The following SORCS3 variants were observed in gnomAD, a reference collection of about 807,000 sequenced individuals.
SORCS3 encodes the protein sortilin related VPS10 domain containing receptor 3, also known as VPS10 domain-containing receptor SorCS3.
A neutral mutation model predicts 146.3 loss-of-function variants in SORCS3; 57 were observed. That is an observed-to-expected ratio of 0.39 (90% CI 0.31 to 0.49). SORCS3 has a LOEUF of 0.49. Ranked by LOEUF, SORCS3 falls within the 20% of genes least tolerant of loss-of-function variation. The pLI, the probability that SORCS3 is intolerant of heterozygous loss-of-function variation, is 0.92. For synonymous variants in SORCS3, 653 were observed against 618.5 expected (o/e 1.06, Z -0.83); for missense variants, 1,341 against 1,575.5 (o/e 0.85, Z 2.52).
At chr10:104,883,983 G>GC (rs1554856934) in intron 2 of SORCS3, among the ~76,000 whole-genome samples, 1 of 151,378 alleles carries the variant, frequency 6.6e-6, no homozygotes, top group African/African-American at 2.4e-5. Context: ...AATGAGGGGG[G>GC]GGAAAGGGTC....
chr10:104,923,448 G>C (rs58736483), intron 3 of SORCS3, among the ~76,000 whole-genome samples: 1,791 of 152,288 alleles, frequency 0.012, 35 homozygotes, highest in African/African-American at 0.04. Flanking sequence ...TGGTCAAAAG[G>C]TGGGTCCCTG....
At chr10:105,199,814 G>C (rs887937957) in intron 14 of SORCS3, among the ~76,000 whole-genome samples, 185 bp from the exon 15 acceptor site, 1 of 152,146 alleles carries the variant, frequency 6.6e-6, no homozygotes, top group East Asian at 1.9e-4. Flanking sequence ...TGAATGACAT[G>C]CCAGTTGATT....
At chr10:104,741,700 G>GTTTTTTTTTTTTTTT in intron 1 of SORCS3, among the ~76,000 whole-genome samples, 6 of 3,266 alleles carry the variant, frequency 1.8e-3, no homozygotes, top group Non-Finnish European at 2.2e-3. Context: ...TCCATTCTGG[G>GTTTTTTTTTTTTTTT]TTTTTTTTTT....
chr10:104,825,435 G>T (rs1043181944), intron 1 of SORCS3, among the ~76,000 whole-genome samples: 1 of 152,168 alleles, frequency 6.6e-6, no homozygotes, highest in Non-Finnish European at 1.5e-5. Context: ...TTTTCTCAAA[G>T]AAACAGATCA....
chr10:104,641,347 A>C lies in SORCS3; in HGVS notation c.20A>C (p.Glu7Ala). 1.5e-6 allele frequency: 2 copies of C among 1,360,838 alleles called. No homozygotes were observed. Among genetic ancestry groups the C allele is most frequent in the Non-Finnish European group, 9.4e-7 (1 of 1,061,418 alleles). The allele number at this position is 1,360,838 out of a possible 1,614,324, so 84.3% of individuals were successfully genotyped here. A position where few individuals can be genotyped will look rare whatever the true frequency, so the allele number is the denominator to read the frequency against. The change falls in exon 1 of 27, where the codon GAG (glutamate) becomes GCG (alanine). Residue 7 changes from glutamate (E) to alanine (A), a missense_variant. Coordinates refer to ENST00000369701, the MANE Select transcript of SORCS3 (RefSeq NM_014978.3). This position sits in a 1 kb window ranked among gnomAD's most constrained non-coding sequence, Gnocchi z 6.4. MEAART[E>A]RPAGRPGAPL... ...AGCGGGATGGAGGCGGCGCGCACGG[A>C]GCGCCCCGCAGGCAGGCCGGGGGCG... is the stretch of plus-strand genomic sequence containing the variant.
At chr10:105,159,034 T>C in intron 11 of SORCS3, 40 bp downstream of exon 11, 1 of 1,452,218 alleles carries the variant, frequency 6.9e-7, no homozygotes, top group South Asian at 1.2e-5. Flanking sequence ...TTACTGAGAG[T>C]GTCTAGAATA....
chr10:105,135,397 G>T (rs2056052356), intron 7 of SORCS3, among the ~76,000 whole-genome samples: 1 of 152,180 alleles, frequency 6.6e-6, no homozygotes, highest in African/African-American at 2.4e-5. Context: ...CAGCCTGGAA[G>T]ATCTCTGGTA....
chr10:104,915,599 C>T (rs1023437604), intron 2 of SORCS3, among the ~76,000 whole-genome samples: 4 of 152,108 alleles, frequency 2.6e-5, no homozygotes, highest in South Asian at 2.1e-4. Context: ...TCACAAAGGG[C>T]GAAAAAGTAG....
At chr10:104,832,660 G>A (rs1334449039) in intron 1 of SORCS3, among the ~76,000 whole-genome samples, 1 of 152,192 alleles carries the variant, frequency 6.6e-6, no homozygotes, top group Non-Finnish European at 1.5e-5. Flanking sequence ...AGAGGTTGCA[G>A]TGAGCCAAGA....
chr10:104,858,508 G>A (rs1038747089), intron 2 of SORCS3, among the ~76,000 whole-genome samples: 2 of 152,074 alleles, frequency 1.3e-5, no homozygotes, highest in Non-Finnish European at 2.9e-5. Flanking sequence ...TGCATATCTC[G>A]ATACTTAAAT....
intron 1 of SORCS3, among the ~76,000 whole-genome samples, chr10:104,790,262 A>C (rs1275436296): frequency 6.6e-6 from 1 of 152,266 alleles, no homozygotes. Context: ...GCAGACAAAA[A>C]GAAAGGAAGA....
chr10:104,651,533 T>TG (rs1554841738), intron 1 of SORCS3, among the ~76,000 whole-genome samples: 57 of 112,674 alleles, frequency 5.1e-4, no homozygotes, highest in African/African-American at 1.9e-3. Flanking sequence ...CGGGCTCTAC[T>TG]AAAAAAAAAA....
intron 1 of SORCS3, among the ~76,000 whole-genome samples, chr10:104,842,195 T>G (rs1050732697): frequency 6.6e-6 from 1 of 152,228 alleles, no homozygotes; most frequent in South Asian, 2.1e-4. Context: ...TTCAATGATC[T>G]GCTTACTCCA....
chr10:105,015,974 C>T (rs1221437115), intron 4 of SORCS3, among the ~76,000 whole-genome samples: 2 of 151,274 alleles, frequency 1.3e-5, no homozygotes, highest in Non-Finnish European at 2.9e-5. Context: ...GTGATCTGCC[C>T]CCCTCAGCCT....
intron 4 of SORCS3, among the ~76,000 whole-genome samples, chr10:104,993,145 A>T (rs979060607): frequency 9.2e-5 from 14 of 152,196 alleles, no homozygotes; most frequent in Admixed American, 7.2e-4. Context: ...TGCCTACAAA[A>T]ATATCTAAGG....
chr10:105,043,814 A>G (rs1331713740), intron 5 of SORCS3, among the ~76,000 whole-genome samples: 1 of 152,200 alleles, frequency 6.6e-6, no homozygotes, highest in Non-Finnish European at 1.5e-5. Context: ...GGGAATGAAT[A>G]CATGTTTCAA....
chr10:105,050,296 A>C (rs985904576), intron 5 of SORCS3, among the ~76,000 whole-genome samples: 1 of 152,064 alleles, frequency 6.6e-6, no homozygotes, highest in African/African-American at 2.4e-5. Flanking sequence ...AGTGAATGGA[A>C]TATGGCAGAG....
At chr10:104,749,832 C>T (rs775372212) in intron 1 of SORCS3, among the ~76,000 whole-genome samples, 1 of 152,014 alleles carries the variant, frequency 6.6e-6, no homozygotes, top group Non-Finnish European at 1.5e-5. Context: ...TATTTGATTT[C>T]CTCATGGAAA....
At chr10:105,065,833 C>T (rs73344311) in intron 5 of SORCS3, among the ~76,000 whole-genome samples, 8,959 of 152,258 alleles carry the variant, frequency 0.059, 281 homozygotes, top group Middle Eastern at 0.088. Flanking sequence ...TAACCAAATA[C>T]ATATATTTGA....
Sources: allele counts gnomAD v4.1 joint callset (sites outside exome capture counted in the v4.1 genomes callset), GRCh38; gene constraint gnomAD v4.1.1; non-coding constraint Gnocchi (gnomAD v3.1); transcripts MANE v1.5; gene names NCBI Gene and HGNC (gene_info 2026-07-23, HGNC 2026-07-21).